PRUNE2: variants seen among roughly 807,000 people sequenced by gnomAD.
PRUNE2 encodes prune homolog 2 with BCH domain, also known as protein prune homolog 2.
Under a neutral mutation model 252.0 loss-of-function variants are expected in PRUNE2, and 164 were observed. The ratio of observed to expected loss-of-function variants is 0.65; its 90% CI spans 0.57 to 0.74. The LOEUF is 0.74. Among genes scored for constraint, PRUNE2 ranks in the 30% least tolerant of loss-of-function variants. The pLI, the probability that PRUNE2 is intolerant of heterozygous loss-of-function variation, is 0.00. For missense variants in PRUNE2, 3,495 were observed against 3,711.0 expected (o/e 0.94, Z 1.51); for synonymous variants, 1,292 against 1,350.2 (o/e 0.96, Z 0.94).
At chr9:76,781,165 G>A (rs1444123494) in intron 6 of PRUNE2, among the ~76,000 whole-genome samples, 2 of 152,080 alleles carry the variant, frequency 1.3e-5, no homozygotes, top group African/African-American at 2.4e-5. Context: ...GTCTATGAAG[G>A]CAGCCGCTAA....
intron 9 of PRUNE2, among the ~76,000 whole-genome samples, chr9:76,702,407 T>C (rs1353431518): frequency 6.6e-6 from 1 of 152,202 alleles, no homozygotes; most frequent in Non-Finnish European, 1.5e-5. Flanking sequence ...CTTTCCCCGT[T>C]ACTTAAGTTA....
chr9:76,688,303 C>T (rs543998438), intron 9 of PRUNE2, among the ~76,000 whole-genome samples: 131 of 152,204 alleles, frequency 8.6e-4, no homozygotes, highest in Non-Finnish European at 1.4e-3. Flanking sequence ...AACACCAGGA[C>T]CATGACCTAA....
chr9:76,866,900 C>T (rs12335444), intron 1 of PRUNE2, among the ~76,000 whole-genome samples: 5,657 of 152,120 alleles, frequency 0.037, 327 homozygotes, highest in African/African-American at 0.13. Context: ...ATGCCCTTTC[C>T]GCCCGGTGCT....
intron 6 of PRUNE2, among the ~76,000 whole-genome samples, chr9:76,729,162 A>G (rs887493348): frequency 6.6e-6 from 1 of 152,214 alleles, no homozygotes; most frequent in Non-Finnish European, 1.5e-5. Context: ...CAAATGAACC[A>G]GAGAGTGTAA....
intron 1 of PRUNE2, among the ~76,000 whole-genome samples, chr9:76,899,139 A>C (rs1369087871): frequency 6.6e-6 from 1 of 152,198 alleles, no homozygotes; most frequent in Admixed American, 6.5e-5. Context: ...GACTTGGTAC[A>C]GTGGTTGGCC....
At chr9:76,689,329 C>T (rs772739737) in intron 9 of PRUNE2, among the ~76,000 whole-genome samples, 1 of 152,036 alleles carries the variant, frequency 6.6e-6, no homozygotes, top group Non-Finnish European at 1.5e-5. Flanking sequence ...TATTTTTAAG[C>T]CATGAAAAAT....
chr9:76,877,539 G>C (rs1213199007), intron 1 of PRUNE2, among the ~76,000 whole-genome samples: 1 of 151,958 alleles, frequency 6.6e-6, no homozygotes, highest in Non-Finnish European at 1.5e-5. Flanking sequence ...GCTTTCTAAT[G>C]GTAGAATTTC....
At chr9:76,688,330 G>A (rs1564040308) in intron 9 of PRUNE2, among the ~76,000 whole-genome samples, 1 of 152,202 alleles carries the variant, frequency 6.6e-6, no homozygotes, top group African/African-American at 2.4e-5. Context: ...TGAATCAGAT[G>A]TGGTTTTTCA....
At chr9:76,807,020 ATGTGTGTGTG>A (rs1554779764) in intron 6 of PRUNE2, among the ~76,000 whole-genome samples, 1 of 140,400 alleles carries the variant, frequency 7.1e-6, no homozygotes, top group Admixed American at 7.1e-5. Context: ...ACCTCATACA[ATGTGTGTGTG>A]TGTGTGTGTG....
chr9:76,665,462 A>G (rs1464027154), intron 9 of PRUNE2, among the ~76,000 whole-genome samples: 1 of 152,080 alleles, frequency 6.6e-6, no homozygotes, highest in Non-Finnish European at 1.5e-5. Flanking sequence ...GTCATGTCCC[A>G]TAGCACCCTG....
chr9:76,659,902 T>A (rs928692725), intron 9 of PRUNE2, among the ~76,000 whole-genome samples: 1 of 150,964 alleles, frequency 6.6e-6, no homozygotes, highest in Non-Finnish European at 1.5e-5. Flanking sequence ...AATAAAATAA[T>A]ACTATTAAAT....
At chr9:76,732,260 T>C (rs2048687174) in intron 6 of PRUNE2, among the ~76,000 whole-genome samples, 1 of 152,194 alleles carries the variant, frequency 6.6e-6, no homozygotes, top group Non-Finnish European at 1.5e-5. Flanking sequence ...TGAGCCGAGA[T>C]AGTGCCACTG....
intron 9 of PRUNE2, among the ~76,000 whole-genome samples, chr9:76,701,610 G>C (rs2045895638): frequency 6.6e-6 from 1 of 152,106 alleles, no homozygotes; most frequent in African/African-American, 2.4e-5. Flanking sequence ...TAACGGATCT[G>C]GGGTCTCTCT....
At position 76,707,236 on chromosome 9, in the gene PRUNE2, C is replaced by T. The variant is rs1362069642; in HGVS notation, c.5038G>A (p.Val1680Ile). 3.7e-6 allele frequency: 6 copies of T among 1,613,826 alleles called. No individual in the cohort carries two copies. In the African/African-American group the frequency reaches 5.3e-5, roughly 14 times the overall value. ...SATVQPEDARVISTSSGSDDD... is the reference protein window; with the variant it reads ...SATVQPEDARIISTSSGSDDD... ...TCAGAACCTGAGCTTGTTGAAATGA[C>T]CCTGGCATCCTCTGGCTGCACAGTT... Residue 1680 changes from valine to isoleucine, a missense_variant, in exon 8 of 19, where the codon GTC becomes ATC. By Grantham distance (29) the Val-to-Ile change is conservative (BLOSUM62 3). Transcript: ENST00000376718.
In PRUNE2 at chr9:76,706,377, A is replaced by G. The variant is rs775054394; in HGVS notation, c.5897T>C (p.Val1966Ala). 6.2e-7 allele frequency: 1 copy of G among 1,614,026 alleles called. No homozygotes were observed. Among genetic ancestry groups the G allele is most frequent in the Admixed American group, 1.7e-5 (1 of 60,032 alleles). Residue 1966 changes from valine to alanine, a missense_variant, in exon 8 of 19, where the codon GTC becomes GCC. By Grantham distance (64) the Val-to-Ala change is moderately conservative. Transcript: ENST00000376718. ...AAAGGCTGTGTCCGGATGATCACAGACTGGCAGCATGGTGTCCTGACACTG... is the reference window on the plus strand; with the variant it reads ...AAAGGCTGTGTCCGGATGATCACAGGCTGGCAGCATGGTGTCCTGACACTG... ...QEQCQDTMLPVCDHPDTAFTH... is the reference protein window; with the variant it reads ...QEQCQDTMLPACDHPDTAFTH...
rs1167203922 is a variant in PRUNE2, at chr9:76,705,972, G to A, written c.6302C>T (p.Ala2101Val). The A allele has an allele frequency of 6.2e-7, 1 of 1,613,978 alleles. No homozygotes were observed. Among genetic ancestry groups the A allele is most frequent in the South Asian group, 1.1e-5 (1 of 91,090 alleles). ...GTGACATATATCAGGGCTGTCGGAAGCCTGAGAATTGCTGTCATGTTCGCA... is the reference window on the plus strand; with the variant it reads ...GTGACATATATCAGGGCTGTCGGAAACCTGAGAATTGCTGTCATGTTCGCA... ...THCEHDSNSQASDSPDICHDS... is the reference protein window; with the variant it reads ...THCEHDSNSQVSDSPDICHDS... Residue 2101 changes from alanine to valine, a missense_variant, in exon 8 of 19, where the codon GCT becomes GTT. By Grantham distance (64) the Ala-to-Val change is moderately conservative. Transcript: ENST00000376718.
intron 6 of PRUNE2, among the ~76,000 whole-genome samples, chr9:76,754,445 TC>T (rs1473616794): frequency 6.6e-6 from 1 of 152,174 alleles, no homozygotes; most frequent in Non-Finnish European, 1.5e-5. Flanking sequence ...TCCATGAACG[TC>T]CCTTTTTATA....
At chr9:76,836,969 T>C (rs1050943763) in intron 4 of PRUNE2, among the ~76,000 whole-genome samples, 26 of 152,196 alleles carry the variant, frequency 1.7e-4, no homozygotes, top group Non-Finnish European at 2.9e-4. Flanking sequence ...TTGAATAAAA[T>C]AATATACCAT....
intron 4 of PRUNE2, among the ~76,000 whole-genome samples, chr9:76,841,721 GC>G (rs1040980771): frequency 6.6e-6 from 1 of 152,190 alleles, no homozygotes; most frequent in African/African-American, 2.4e-5. Context: ...GCACTGCAAA[GC>G]CGCTGTAGCC....
Sources: allele counts gnomAD v4.1 joint callset (sites outside exome capture counted in the v4.1 genomes callset), GRCh38; gene constraint gnomAD v4.1.1; transcripts MANE v1.5; gene names NCBI Gene and HGNC (gene_info 2026-07-23, HGNC 2026-07-21).